The following CCDC171 variants were observed in gnomAD, a reference collection of about 807,000 sequenced individuals.
CCDC171 encodes the protein coiled-coil domain containing 171.
A neutral mutation model predicts 168.2 loss-of-function variants in CCDC171; 177 were observed. The observed-to-expected ratio is 1.05, with a 90% CI of 0.93 to 1.19. The LOEUF is 1.19. Among genes scored for constraint, CCDC171 ranks in the 50% most tolerant of loss-of-function variants. The pLI, the probability that CCDC171 is intolerant of heterozygous loss-of-function variation, is 0.00. For synonymous variants in CCDC171, 687 were observed against 540.8 expected (o/e 1.27, Z -3.75); for missense variants, 1,991 against 1,539.0 (o/e 1.29, Z -4.91).
intron 3 of CCDC171, among the ~76,000 whole-genome samples, chr9:15,995,827 C>A (rs1317092362): frequency 6.6e-6 from 1 of 152,198 alleles, no homozygotes; most frequent in Non-Finnish European, 1.5e-5. Flanking sequence ...ATGATCTTTG[C>A]TTGTTTCATT....
intron 24 of CCDC171, among the ~76,000 whole-genome samples, chr9:15,912,377 G>C (rs10810475): frequency 0.35 from 53,069 of 152,006 alleles, 11,551 homozygotes; most frequent in East Asian, 0.63. Context: ...AGGAATTCTT[G>C]TGATTTTTGC....
At chr9:15,983,086 C>T (rs1426183308) in intron 3 of CCDC171, among the ~76,000 whole-genome samples, 2 of 152,122 alleles carry the variant, frequency 1.3e-5, no homozygotes, top group Admixed American at 1.3e-4. Context: ...TCTTGAAGCT[C>T]CTATTCTAGC....
intron 6 of CCDC171, among the ~76,000 whole-genome samples, chr9:16,027,732 C>G (rs1833300909): frequency 6.6e-6 from 1 of 152,136 alleles, no homozygotes; most frequent in African/African-American, 2.4e-5. Context: ...GGGTAATCAT[C>G]AGGGAAACCC....
intron 25 of CCDC171, among the ~76,000 whole-genome samples, chr9:15,967,872 G>A (rs535115046): frequency 3.3e-5 from 5 of 152,254 alleles, no homozygotes; most frequent in Admixed American, 1.3e-4. Context: ...GGAGACAAAT[G>A]GCTTAGTTTC....
At chr9:15,642,954 A>G (rs992075084) in intron 7 of CCDC171, among the ~76,000 whole-genome samples, 3 of 152,196 alleles carry the variant, frequency 2.0e-5, no homozygotes, top group Non-Finnish European at 4.4e-5. Flanking sequence ...TTAACAAAAT[A>G]TATGACTATC....
chr9:15,784,788 C>G, intron 21 of CCDC171, 94 bp downstream of exon 21: 1 of 912,338 alleles, frequency 1.1e-6, no homozygotes, highest in Non-Finnish European at 1.6e-6. Context: ...GGAATAGATC[C>G]CAAGATGTAA....
In CCDC171 at chr9:15,625,328, T is replaced by C. The variant is rs201081391; in HGVS notation, c.822+1915T>C. On this transcript the variant is annotated intron_variant, in intron 7 of 25. Coordinates refer to ENST00000380701, the MANE Select transcript of CCDC171 (RefSeq NM_173550.4). Reference sequence around the variant, plus strand: ...AGAAGCTCTTTAATTTAATTAGATCTCATTTGTCAATTTTGGCTTTTGTTG... The same window carrying C: ...AGAAGCTCTTTAATTTAATTAGATCCCATTTGTCAATTTTGGCTTTTGTTG... Among the ~76,000 whole-genome samples, 4 of 152,174 alleles carry C rather than the reference T, an allele frequency of 2.6e-5. No individual in the cohort carries two copies. In the South Asian group the frequency reaches 6.2e-4, roughly 24 times the overall value.
At chr9:16,047,337 T>G (rs1266333446) in intron 1 of CCDC171, among the ~76,000 whole-genome samples, 2 of 152,144 alleles carry the variant, frequency 1.3e-5, no homozygotes, top group Non-Finnish European at 2.9e-5. Flanking sequence ...GCCAGAAATC[T>G]GGGAGCGATC....
At chr9:16,027,182 T>G (rs1392302491) in intron 6 of CCDC171, among the ~76,000 whole-genome samples, 1 of 152,232 alleles carries the variant, frequency 6.6e-6, no homozygotes, top group Non-Finnish European at 1.5e-5. Flanking sequence ...ATCTTGTGCT[T>G]ATTATCTTTT....
At chr9:15,661,151 G>C (rs867752968) in intron 8 of CCDC171, among the ~76,000 whole-genome samples, 8 of 152,124 alleles carry the variant, frequency 5.3e-5, no homozygotes, top group Admixed American at 3.3e-4. Context: ...GTCGTGGCGG[G>C]CGCCTGTAGT....
the CCDC171 span, among the ~76,000 whole-genome samples, chr9:16,088,791 T>G: frequency 1.3e-5 from 2 of 152,182 alleles, no homozygotes; most frequent in Non-Finnish European, 2.9e-5. Context: ...CTGCCCAAAG[T>G]AATTTATAGA....
chr9:15,908,838 C>A (rs546598317), intron 24 of CCDC171, among the ~76,000 whole-genome samples: 1 of 152,058 alleles, frequency 6.6e-6, no homozygotes, highest in African/African-American at 2.4e-5. Flanking sequence ...GGAGGTGCCA[C>A]ATGGTTTTAA....
chr9:15,957,426 C>T (rs1322544948), intron 25 of CCDC171, among the ~76,000 whole-genome samples: 1 of 152,192 alleles, frequency 6.6e-6, no homozygotes, highest in Non-Finnish European at 1.5e-5. Context: ...TTCCGTCTCA[C>T]TTTCTCCCTC....
intron 11 of CCDC171, among the ~76,000 whole-genome samples, chr9:15,712,383 A>T (rs2052734604): frequency 6.6e-6 from 1 of 152,210 alleles, no homozygotes; most frequent in African/African-American, 2.4e-5. Flanking sequence ...ACCACTTTAG[A>T]TACCTTATAT....
chr9:15,649,649 T>C (rs1300281813), intron 7 of CCDC171, among the ~76,000 whole-genome samples: 3 of 152,004 alleles, frequency 2.0e-5, no homozygotes, highest in Non-Finnish European at 4.4e-5. Flanking sequence ...CATGAAAAAA[T>C]GCTCATCATC....
At chr9:15,619,094 G>A (rs1331892657) in intron 6 of CCDC171, among the ~76,000 whole-genome samples, 2 of 152,006 alleles carry the variant, frequency 1.3e-5, no homozygotes, top group African/African-American at 2.4e-5. Context: ...CCTCTGTCCA[G>A]CCGTTCTTCC....
chr9:15,641,441 TCAGCA>T (rs2046597420), intron 7 of CCDC171, among the ~76,000 whole-genome samples: 1 of 152,234 alleles, frequency 6.6e-6, no homozygotes. Flanking sequence ...ACTCAATCTT[TCAGCA>T]CATTCATTGT....
exon 2 of CCDC171, chr9:16,060,880 AGTT>A (rs1460028568): frequency 6.6e-6 from 1 of 152,196 alleles, no homozygotes; most frequent in Non-Finnish European, 1.5e-5. Context: ...TTGCAAAAGC[AGTT>A]GTTCTTGCCA....
At chr9:15,701,595 T>TA (rs2051744958) in intron 11 of CCDC171, among the ~76,000 whole-genome samples, 1 of 151,504 alleles carries the variant, frequency 6.6e-6, no homozygotes, top group Non-Finnish European at 1.5e-5. Context: ...TTTTTTTTTT[T>TA]TTGAGACAGA....
Sources: gnomAD v4.1 joint callset for allele counts (sites outside exome capture counted in the v4.1 genomes callset) on GRCh38, gnomAD v4.1.1 for gene constraint, MANE v1.5 for transcripts, NCBI Gene and HGNC (gene_info 2026-07-23, HGNC 2026-07-21) for gene names.